The following NEDD4L variants were observed in gnomAD, a reference collection of about 807,000 sequenced individuals.
The protein encoded by NEDD4L is E3 ubiquitin-protein ligase NEDD4-like.
Under a neutral mutation model 148.9 loss-of-function variants are expected in NEDD4L, and 54 were observed. That is an observed-to-expected ratio of 0.36 (90% CI 0.29 to 0.45). The LOEUF is 0.45. Among genes scored for constraint, NEDD4L ranks in the 20% least tolerant of loss-of-function variants. NEDD4L has a pLI of 1.00. For missense variants in NEDD4L, 856 were observed against 1,233.8 expected (o/e 0.69, Z 4.59); for synonymous variants, 433 against 440.7 (o/e 0.98, Z 0.22).
intron 1 of NEDD4L, among the ~76,000 whole-genome samples, chr18:58,060,792 C>T (rs2082298346): frequency 6.6e-6 from 1 of 151,930 alleles, no homozygotes; most frequent in Admixed American, 6.6e-5. Context: ...GAGTTTTGCT[C>T]TTGTTGCGCA....
At chr18:58,168,201 T>C (rs1291412840) in intron 2 of NEDD4L, among the ~76,000 whole-genome samples, 3 of 152,214 alleles carry the variant, frequency 2.0e-5, no homozygotes, top group African/African-American at 4.8e-5. Context: ...TTTTCCTAGA[T>C]TGATAAGTAG....
At chr18:58,072,892 A>G (rs185185518) in intron 1 of NEDD4L, among the ~76,000 whole-genome samples, 3,400 of 151,742 alleles carry the variant, frequency 0.022, 147 homozygotes, top group African/African-American at 0.078. Flanking sequence ...ACACACACAC[A>G]CACACACACA....
chr18:58,326,095 A>C (rs866655944), intron 9 of NEDD4L, among the ~76,000 whole-genome samples: 30 of 152,354 alleles, frequency 2.0e-4, no homozygotes, highest in Middle Eastern at 3.4e-3. Flanking sequence ...GACAACAAGC[A>C]GTATGAGGTA....
chr18:58,096,496 C>T (rs1346105318), intron 1 of NEDD4L, among the ~76,000 whole-genome samples: 1 of 151,932 alleles, frequency 6.6e-6, no homozygotes, highest in African/African-American at 2.4e-5. Flanking sequence ...CTGCACCTCC[C>T]AGATTCAAGC....
At chr18:58,203,166 T>A (rs111494423) in intron 2 of NEDD4L, among the ~76,000 whole-genome samples, 1 of 152,144 alleles carries the variant, frequency 6.6e-6, no homozygotes, top group African/African-American at 2.4e-5. Context: ...GGATTCTTAC[T>A]GTGTTGCCCA....
intron 1 of NEDD4L, among the ~76,000 whole-genome samples, chr18:58,114,926 C>T (rs1434485664): frequency 1.3e-5 from 2 of 152,208 alleles, no homozygotes; most frequent in East Asian, 1.9e-4. Flanking sequence ...TTCAGGAGCC[C>T]TTGTGATTCC....
At chr18:58,132,502 G>A (rs2032296736) in intron 1 of NEDD4L, among the ~76,000 whole-genome samples, 1 of 152,208 alleles carries the variant, frequency 6.6e-6, no homozygotes, top group South Asian at 2.1e-4. Flanking sequence ...CCCTCCTATT[G>A]TCAGATGGGG....
intron 1 of NEDD4L, among the ~76,000 whole-genome samples, chr18:58,115,453 T>C (rs948580978): frequency 6.6e-6 from 1 of 152,186 alleles, no homozygotes; most frequent in Non-Finnish European, 1.5e-5. Context: ...TCCTCATTAA[T>C]GCAGGATATT....
intron 1 of NEDD4L, among the ~76,000 whole-genome samples, chr18:58,115,174 G>A (rs144403529): frequency 7.3e-4 from 111 of 151,476 alleles, no homozygotes; most frequent in African/African-American, 2.1e-3. Context: ...TCTTCTTGCC[G>A]ACTCCTATTG....
intron 5 of NEDD4L, among the ~76,000 whole-genome samples, chr18:58,271,023 G>A (rs951644510): frequency 1.6e-4 from 24 of 151,990 alleles, no homozygotes; most frequent in Admixed American, 3.3e-4. Flanking sequence ...GAATTCAGTG[G>A]AATAATATAT....
intron 1 of NEDD4L, among the ~76,000 whole-genome samples, chr18:58,155,633 G>A (rs2035389098): frequency 6.6e-6 from 1 of 152,208 alleles, no homozygotes; most frequent in Non-Finnish European, 1.5e-5. Context: ...TTATGGCCAA[G>A]ATGAGGCCGG....
At chr18:58,168,648 C>G (rs765657707) in intron 2 of NEDD4L, among the ~76,000 whole-genome samples, 2 of 151,854 alleles carry the variant, frequency 1.3e-5, no homozygotes, top group African/African-American at 2.4e-5. Flanking sequence ...CCTGAGTATT[C>G]CCCGCACCTC....
At chr18:58,147,155 G>A (rs1034537007) in intron 1 of NEDD4L, among the ~76,000 whole-genome samples, 2 of 152,176 alleles carry the variant, frequency 1.3e-5, no homozygotes, top group Non-Finnish European at 2.9e-5. Context: ...TTTTTATTTT[G>A]AAACTAAAAT....
intron 5 of NEDD4L, among the ~76,000 whole-genome samples, chr18:58,305,878 T>C (rs2057000444): frequency 6.6e-6 from 1 of 152,140 alleles, no homozygotes; most frequent in Non-Finnish European, 1.5e-5. Context: ...CCGGGAGACT[T>C]AGCTTTAACT....
At chr18:58,166,847 C>T (rs7227056) in intron 2 of NEDD4L, among the ~76,000 whole-genome samples, 4,028 of 152,202 alleles carry the variant, frequency 0.026, 157 homozygotes, top group African/African-American at 0.093. Context: ...TTTCAGTGCC[C>T]CTGCCTGACA....
chr18:58,139,440 C>T (rs1029875998), intron 1 of NEDD4L, among the ~76,000 whole-genome samples: 2 of 152,034 alleles, frequency 1.3e-5, no homozygotes, highest in African/African-American at 2.4e-5. Context: ...TCAAGATAAT[C>T]CTATCAACTT....
intron 5 of NEDD4L, among the ~76,000 whole-genome samples, chr18:58,304,102 T>C (rs1271557721): frequency 6.6e-6 from 1 of 152,032 alleles, no homozygotes; most frequent in African/African-American, 2.4e-5. Flanking sequence ...GTTGCTGCTA[T>C]ATCTAGTGAG....
chr18:58,264,640 A>G (rs1314108189), intron 5 of NEDD4L, among the ~76,000 whole-genome samples: 2 of 152,018 alleles, frequency 1.3e-5, no homozygotes, highest in African/African-American at 4.8e-5. Flanking sequence ...AATATCTGTC[A>G]CTGCAGACAT....
intron 13 of NEDD4L, 112 bp downstream of exon 13, chr18:58,335,649 C>G: frequency 1.2e-6 from 1 of 818,622 alleles, no homozygotes; most frequent in Non-Finnish European, 2.1e-6. Flanking sequence ...CTCCTTTGTG[C>G]TACAGAGCTG....
Sources: allele counts gnomAD v4.1 joint callset (sites outside exome capture counted in the v4.1 genomes callset), GRCh38; gene constraint gnomAD v4.1.1; transcripts MANE v1.5; gene names NCBI Gene and HGNC (gene_info 2026-07-23, HGNC 2026-07-21).